FAT3: variants seen among roughly 807,000 people sequenced by gnomAD.
FAT3 encodes FAT atypical cadherin 3.
In FAT3, 95 loss-of-function variants were observed where a neutral mutation model predicts 310.2. That is an observed-to-expected ratio of 0.31 (90% CI 0.26 to 0.36). The LOEUF (loss-of-function observed/expected upper bound fraction) is 0.36, where lower values mean the gene tolerates loss of function less well. Ranked by LOEUF, FAT3 falls within the 10% of genes least tolerant of loss-of-function variation. The pLI is 1.00. For synonymous variants in FAT3, 2,314 were observed against 2,192.9 expected, an observed-to-expected ratio of 1.06 and a Z score of -1.54; for missense variants, 5,408 against 5,715.6, an observed-to-expected ratio of 0.95 and a Z score of 1.74.
intron 22 of FAT3, among the ~76,000 whole-genome samples, chr11:92,874,820 T>G (rs1429577392): frequency 6.6e-6 from 1 of 152,144 alleles, no homozygotes. Flanking sequence ...ATTACAGGCA[T>G]GAGCCACCAC....
At chr11:92,446,013 C>T (rs1193119031) in intron 2 of FAT3, among the ~76,000 whole-genome samples, 1 of 152,168 alleles carries the variant, frequency 6.6e-6, no homozygotes, top group Non-Finnish European at 1.5e-5. Flanking sequence ...GTTTGCTAAT[C>T]ACTCCTATTT....
chr11:92,626,775 A>G (rs921826678), intron 3 of FAT3, among the ~76,000 whole-genome samples: 3 of 152,196 alleles, frequency 2.0e-5, no homozygotes, highest in Non-Finnish European at 4.4e-5. Flanking sequence ...TGGCTGTCAC[A>G]GGGCTGTCAG....
chr11:92,830,312 A>G (rs1231367091), intron 13 of FAT3, among the ~76,000 whole-genome samples: 1 of 152,206 alleles, frequency 6.6e-6, no homozygotes, highest in Non-Finnish European at 1.5e-5. Context: ...TCAATAATTA[A>G]TTGGTTGTTA....
intron 1 of FAT3, among the ~76,000 whole-genome samples, chr11:92,320,540 T>G (rs1947587698): frequency 1.3e-5 from 2 of 152,306 alleles, no homozygotes; most frequent in African/African-American, 2.4e-5. Context: ...TTCATTTTTT[T>G]GAACCCACAT....
intron 2 of FAT3, among the ~76,000 whole-genome samples, chr11:92,514,141 A>T (rs998343115): frequency 1.3e-5 from 2 of 152,178 alleles, no homozygotes; most frequent in African/African-American, 4.8e-5. Flanking sequence ...TAAAACAAAT[A>T]TGTGTTTCAT....
At chr11:92,767,566 C>T (rs998700498) in intron 6 of FAT3, among the ~76,000 whole-genome samples, 7 of 152,270 alleles carry the variant, frequency 4.6e-5, no homozygotes, top group Middle Eastern at 3.4e-3. Flanking sequence ...TGGTCAGTCT[C>T]ACCAGCTGCC....
intron 3 of FAT3, among the ~76,000 whole-genome samples, chr11:92,612,356 C>G (rs1371691434): frequency 6.6e-6 from 1 of 151,654 alleles, no homozygotes; most frequent in Non-Finnish European, 1.5e-5. Flanking sequence ...ATCAGTTTTG[C>G]TGGTAGATTT....
At chr11:92,715,132 G>A (rs759823614) in intron 4 of FAT3, among the ~76,000 whole-genome samples, 4 of 151,896 alleles carry the variant, frequency 2.6e-5, no homozygotes, top group African/African-American at 4.8e-5. Flanking sequence ...TTGGCCGGGT[G>A]CGTTGGCTCA....
chr11:92,751,822 C>A (rs1016554734), intron 4 of FAT3, among the ~76,000 whole-genome samples: 30 of 152,134 alleles, frequency 2.0e-4, no homozygotes, highest in African/African-American at 6.8e-4. Context: ...CGTGCTGCCA[C>A]GCCAAACAGA....
intron 3 of FAT3, among the ~76,000 whole-genome samples, chr11:92,613,272 C>T (rs1940651167): frequency 6.6e-6 from 1 of 152,138 alleles, no homozygotes; most frequent in South Asian, 2.1e-4. Flanking sequence ...CAGCCTCTTG[C>T]TTCTCCTCAT....
At chr11:92,882,610 T>G (rs2136406210) in intron 23 of FAT3, 128 bp from the exon 24 acceptor site, 2 of 502,826 alleles carry the variant, frequency 4.0e-6, no homozygotes, top group Non-Finnish European at 3.1e-6. Context: ...ACCATCTTTG[T>G]CCTGCTTCAT....
In FAT3 at chr11:92,355,411, G is replaced by A. The variant is rs773618210; in HGVS notation, c.3292+7G>A. The A allele has an allele frequency of 6.9e-6, 11 of 1,596,676 alleles. No homozygotes were observed. In the East Asian group the frequency reaches 1.8e-4, roughly 26 times the overall value. ...AGTATAGACGACGAGAGTGGTAAGT[G>A]TAATATTTTGTGCCAAGAGTGTTGT... On this transcript the variant is annotated splice_region_variant and intron_variant, in intron 2 of 27. Transcript: ENST00000525166.
chr11:92,635,651 G>T (rs961249342), intron 3 of FAT3, among the ~76,000 whole-genome samples: 5 of 152,154 alleles, frequency 3.3e-5, no homozygotes, highest in African/African-American at 1.2e-4. Flanking sequence ...GCTGTTTTCT[G>T]TCTAATTTTT....
At chr11:92,869,897 C>T (rs1949343316) in intron 22 of FAT3, among the ~76,000 whole-genome samples, 1 of 152,174 alleles carries the variant, frequency 6.6e-6, no homozygotes, top group Non-Finnish European at 1.5e-5. Context: ...AGATCAAAGA[C>T]TAGGCTGCGT....
At chr11:92,232,408 C>A (rs192111607) in intron 1 of FAT3, among the ~76,000 whole-genome samples, 1 of 152,034 alleles carries the variant, frequency 6.6e-6, no homozygotes, top group African/African-American at 2.4e-5. Flanking sequence ...GAAAAATATG[C>A]CTGGAATTGA....
intron 1 of FAT3, among the ~76,000 whole-genome samples, chr11:92,322,621 G>C (rs543783101): frequency 1.3e-5 from 2 of 152,176 alleles, no homozygotes; most frequent in African/African-American, 4.8e-5. Context: ...CAAGTTTATG[G>C]AATACTCCTA....
At chr11:92,356,992 A>G (rs1276301429) in intron 2 of FAT3, among the ~76,000 whole-genome samples, 1 of 152,296 alleles carries the variant, frequency 6.6e-6, no homozygotes, top group African/African-American at 2.4e-5. Flanking sequence ...GCTATAGTAG[A>G]TTAAAAAGTC....
chr11:92,619,878 A>G lies in FAT3; in HGVS notation c.3608-77506A>G, dbSNP rs775409585. ...CCACCACCTTTCTTCTACTTGCTTTAGGTTTAATTTGCTCTTCCTTTTTCA... is the reference window on the plus strand; with the variant it reads ...CCACCACCTTTCTTCTACTTGCTTTGGGTTTAATTTGCTCTTCCTTTTTCA... On this transcript the variant is annotated intron_variant, in intron 3 of 27. Coordinates refer to ENST00000525166, the MANE Select transcript of FAT3 (RefSeq NM_001367949.2). Among the ~76,000 whole-genome samples the G allele has an allele frequency of 6.7e-4, 101 of 151,620 alleles. 1 individual carries two copies. Among genetic ancestry groups the G allele is most frequent in the Admixed American group, 4.6e-3 (70 of 15,234 alleles).
intron 3 of FAT3, among the ~76,000 whole-genome samples, chr11:92,552,920 A>C (rs994871795): frequency 2.6e-5 from 4 of 151,518 alleles, no homozygotes; most frequent in African/African-American, 9.7e-5. Context: ...ACTGCACTCC[A>C]GCCTGGGTGA....
Sources: allele counts gnomAD v4.1 joint callset (sites outside exome capture counted in the v4.1 genomes callset), GRCh38; gene constraint gnomAD v4.1.1; transcripts MANE v1.5; gene names NCBI Gene and HGNC (gene_info 2026-07-23, HGNC 2026-07-21).